The following CDH1 variants were observed in gnomAD, a reference collection of about 807,000 sequenced individuals.
CDH1 encodes the protein cadherin 1, also known as cadherin-1.
In CDH1, 35 loss-of-function variants were observed where a neutral mutation model predicts 84.5. The observed-to-expected ratio is 0.41, with a 90% CI of 0.32 to 0.55. CDH1 has a LOEUF of 0.55. Among genes scored for constraint, CDH1 ranks in the 20% least tolerant of loss-of-function variants. CDH1 has a pLI of 0.19. For synonymous variants in CDH1, 417 were observed against 439.0 expected (o/e 0.95, Z 0.63); for missense variants, 994 against 1,126.6 (o/e 0.88, Z 1.68).
intron 2 of CDH1, among the ~76,000 whole-genome samples, chr16:68,777,064 C>T (rs1054429171): frequency 1.3e-5 from 2 of 152,186 alleles, no homozygotes; most frequent in African/African-American, 4.8e-5. Context: ...ACATTGGTGC[C>T]TCTAAGCCTC....
intron 2 of CDH1, among the ~76,000 whole-genome samples, chr16:68,781,352 T>A (rs1043415685): frequency 6.6e-6 from 1 of 152,126 alleles, no homozygotes; most frequent in African/African-American, 2.4e-5. Flanking sequence ...TTTTCCTTCC[T>A]TTTTAGAGTT....
intron 2 of CDH1, among the ~76,000 whole-genome samples, chr16:68,746,472 T>A (rs1428180973): frequency 6.6e-6 from 1 of 152,060 alleles, no homozygotes; most frequent in Admixed American, 6.6e-5. Flanking sequence ...CTGCTGCCAC[T>A]CAATGCATTT....
chr16:68,792,988 G>A (rs535931547), intron 2 of CDH1, among the ~76,000 whole-genome samples: 2 of 152,260 alleles, frequency 1.3e-5, no homozygotes, highest in South Asian at 2.1e-4. Flanking sequence ...TTTGGGGGAC[G>A]TTAGAAGGAA....
chr16:68,815,785 C>A, intron 10 of CDH1, 26 bp downstream of exon 10: 1 of 1,613,018 alleles, frequency 6.2e-7, no homozygotes, highest in African/African-American at 1.3e-5. Context: ...TTTCAACTGA[C>A]TTGCAGCAAC....
At chr16:68,798,094 T>A in intron 2 of CDH1, among the ~76,000 whole-genome samples, 1 of 151,456 alleles carries the variant, frequency 6.6e-6, no homozygotes, top group Admixed American at 6.6e-5. Context: ...AAAAAAAGAC[T>A]TTCCCACATG....
chr16:68,806,096 T>G (rs1024099118), intron 3 of CDH1, among the ~76,000 whole-genome samples: 2 of 152,016 alleles, frequency 1.3e-5, no homozygotes, highest in Non-Finnish European at 2.9e-5. Context: ...TACAGGCACA[T>G]GCCACCATGC....
chr16:68,812,675 A>G (rs1960872212), intron 8 of CDH1, among the ~76,000 whole-genome samples: 1 of 152,236 alleles, frequency 6.6e-6, no homozygotes, highest in Non-Finnish European at 1.5e-5. Flanking sequence ...TCTTATGAGA[A>G]TTATTGTATG....
intron 2 of CDH1, among the ~76,000 whole-genome samples, chr16:68,758,318 G>C (rs1963075694): frequency 7.2e-6 from 1 of 139,262 alleles, no homozygotes; most frequent in Non-Finnish European, 1.5e-5. Flanking sequence ...CCCCTCACCT[G>C]TACAAAGGGG....
intron 2 of CDH1, among the ~76,000 whole-genome samples, chr16:68,769,293 T>C (rs1296653744): frequency 2.0e-5 from 3 of 152,182 alleles, no homozygotes; most frequent in African/African-American, 7.2e-5. Flanking sequence ...TAGAAATGTT[T>C]CATACAGTTA....
chr16:68,822,482 C>G (rs577962884), intron 12 of CDH1: 1 of 573,400 alleles, frequency 1.7e-6, no homozygotes. Context: ...CCACCCTCCA[C>G]TCCCCTCTCC....
intron 1 of CDH1, 49 bp downstream of exon 1, chr16:68,737,512 C>CTG (rs1962430102): frequency 1.4e-6 from 2 of 1,447,374 alleles, no homozygotes; most frequent in Non-Finnish European, 1.9e-6. Context: ...GCCGCAAGCT[C>CTG]CGCGCCCCAG....
At chr16:68,829,874 G>T in intron 15 of CDH1, 77 bp downstream of exon 15, 2 of 1,431,900 alleles carry the variant, frequency 1.4e-6, no homozygotes, top group Non-Finnish European at 9.8e-7. Context: ...ATGAGAAAAA[G>T]AGTCTTTAGA....
chr16:68,832,597 A>G (rs1435287846), intron 15 of CDH1, among the ~76,000 whole-genome samples: 3 of 152,194 alleles, frequency 2.0e-5, no homozygotes, highest in Admixed American at 2.0e-4. Flanking sequence ...AGGCAGGTGG[A>G]TCACCTGAGA....
In CDH1 at chr16:68,815,619, G is replaced by A. The variant is rs750900851; in HGVS notation, c.1425G>A (p.Val475=). ...CCACCTCCACAGCCACCGTCACCGTGGATGTGCTGGATGTGAATGAAGCCC... is the reference window on the plus strand; with the variant it reads ...CCACCTCCACAGCCACCGTCACCGTAGATGTGCTGGATGTGAATGAAGCCC... ...SLTTSTATVT[V]DVLDVNEAPI... The change falls in exon 10 of 16, where the codon GTG becomes GTA. Residue 475 remains valine (V), a synonymous_variant. Transcript: ENST00000261769. 1.9e-6 allele frequency: 3 copies of A among 1,614,208 alleles called. 1 individual carries two copies. The South Asian group carries it at 3.3e-5, about 18-fold the overall frequency.
intron 2 of CDH1, among the ~76,000 whole-genome samples, chr16:68,752,079 G>A (rs1263959455): frequency 6.6e-6 from 1 of 151,316 alleles, no homozygotes; most frequent in Non-Finnish European, 1.5e-5. Context: ...AGCCTCCCAA[G>A]TAGCTGGGAT....
At chr16:68,744,561 T>G (rs762844033) in intron 2 of CDH1, among the ~76,000 whole-genome samples, 13 of 152,094 alleles carry the variant, frequency 8.5e-5, no homozygotes, top group Non-Finnish European at 1.8e-4. Flanking sequence ...TTTCTGCACT[T>G]TTCATCTTCC....
intron 2 of CDH1, among the ~76,000 whole-genome samples, chr16:68,783,412 GAAA>G (rs113206487): frequency 6.9e-6 from 1 of 144,920 alleles, no homozygotes; most frequent in African/African-American, 2.6e-5. Context: ...AAAGAAAAAA[GAAA>G]AAAAGAAAAA....
intron 2 of CDH1, among the ~76,000 whole-genome samples, chr16:68,776,488 T>G (rs780254496): frequency 3.9e-5 from 6 of 152,188 alleles, no homozygotes; most frequent in Non-Finnish European, 5.9e-5. Context: ...GACTTGAAAC[T>G]GCACTATAAT....
Position 68,810,210 on chromosome 16 carries a change from C to T in CDH1, c.701C>T (p.Ala234Val), listed in dbSNP as rs1377039383. Residue 234 changes from alanine to valine, a missense_variant, in exon 6 of 16, where the codon GCT becomes GTT. Transcript: ENST00000261769. ...TGGTTCTTTCAGCTCTTCTCTCACG[C>T]TGTGTCATCCAACGGGAATGCAGTT... is the stretch of plus-strand genomic sequence containing the variant. ...RIATYTLFSHAVSSNGNAVED... is the reference protein window; with the variant it reads ...RIATYTLFSHVVSSNGNAVED... 1 of 1,614,042 alleles carries T rather than the reference C, an allele frequency of 6.2e-7. No homozygotes were observed. Among genetic ancestry groups the T allele is most frequent in the African/African-American group, 1.3e-5 (1 of 74,914 alleles).
Sources: gnomAD v4.1 joint callset for allele counts (sites outside exome capture counted in the v4.1 genomes callset) on GRCh38, gnomAD v4.1.1 for gene constraint, MANE v1.5 for transcripts, NCBI Gene and HGNC (gene_info 2026-07-23, HGNC 2026-07-21) for gene names.